CSNK1D: variants seen among roughly 807,000 people sequenced by gnomAD.
CSNK1D encodes the protein casein kinase I isoform delta.
Under a neutral mutation model 46.6 loss-of-function variants are expected in CSNK1D, and 16 were observed. That is an observed-to-expected ratio of 0.34 (90% CI 0.23 to 0.52). The LOEUF (loss-of-function observed/expected upper bound fraction) is 0.52. Ranked by LOEUF, CSNK1D falls within the 20% of genes least tolerant of loss-of-function variation. CSNK1D has a pLI of 0.95. For missense variants in CSNK1D, 398 were observed against 578.4 expected, an observed-to-expected ratio of 0.69 and a Z score of 3.20; for synonymous variants, 276 against 228.2, an observed-to-expected ratio of 1.21 and a Z score of -1.89.
chr17:82,246,587 G>A (rs575737405), intron 8 of CSNK1D: 15 of 1,025,782 alleles, frequency 1.5e-5, no homozygotes, highest in Admixed American at 1.0e-4. Context: ...CCAACAGCCC[G>A]AAAAGAGAGG....
At chr17:82,257,251 A>C (rs950965749) in intron 2 of CSNK1D, among the ~76,000 whole-genome samples, 2 of 151,706 alleles carry the variant, frequency 1.3e-5, no homozygotes, top group African/African-American at 4.8e-5. Flanking sequence ...ATACTAAACC[A>C]CTGCAGGTTT....
chr17:82,244,794 A>G lies in CSNK1D; in HGVS notation c.1235T>C (p.Val412Ala). The stretch of plus-strand genomic sequence containing the variant: ...TAAGGAGAGTTCTCATCGGTGCACG[A>G]CAGACTGAAGACCACTGGAAGCCAC... ...GRVASSGLQS[V>A]VHR Residue 412 changes from valine to alanine, a missense_variant, in exon 9 of 9, where the codon GTC (valine) becomes GCC (alanine). By Grantham distance (64) the Val-to-Ala change is moderately conservative (BLOSUM62 0). This residue lies in a region of CSNK1D where 181 missense variants were observed against 208.0 expected (regional missense o/e 0.87). Transcript: ENST00000314028. The G allele has an allele frequency of 1.2e-6, 2 of 1,614,034 alleles. No homozygotes were observed. Among genetic ancestry groups the G allele is most frequent in the South Asian group, 1.1e-5 (1 of 91,078 alleles).
Position 82,243,666 on chromosome 17 carries a change from C to T in CSNK1D, c.*1115G>A, listed in dbSNP as rs781480903. The T allele has an allele frequency of 1.5e-4, 151 of 985,472 alleles. No homozygotes were observed. Among genetic ancestry groups the T allele is most frequent in the Non-Finnish European group, 1.7e-4 (141 of 829,970 alleles). The allele number at this position is 985,472 out of a possible 1,614,324, so 61.0% of individuals were successfully genotyped here. A position where few individuals can be genotyped will look rare whatever the true frequency, so the allele number is the denominator to read the frequency against. ...CTCAGGGTGGGTCCTTCTGGCCTGC[C>T]GGCTTTTCTGAGCTAGTCTTGGCAC... On this transcript the variant is annotated 3_prime_UTR_variant, in exon 9 of 9. Coordinates refer to ENST00000314028, the MANE Select transcript of CSNK1D (RefSeq NM_001893.6).
chr17:82,255,358 G>C lies in CSNK1D; in HGVS notation c.336+71C>G, dbSNP rs2051150894. ...GAATTAATGGCCATAATAATGGCAA[G>C]AACAGCACAAGCGAGTGGCTGATTC... On this transcript the variant is annotated intron_variant, in intron 3 of 8. Coordinates refer to ENST00000314028, the MANE Select transcript of CSNK1D (RefSeq NM_001893.6). The surrounding 1 kb of genome is among the most constrained non-coding windows in gnomAD (Gnocchi z 5.9). 1 of 1,564,824 alleles carries C rather than the reference G, an allele frequency of 6.4e-7. No homozygotes were observed. The highest frequency in any genetic ancestry group is 1.7e-5 in the Admixed American group (1 of 59,886).
chr17:82,256,366 A>C (rs984471959), intron 2 of CSNK1D, among the ~76,000 whole-genome samples: 2 of 152,158 alleles, frequency 1.3e-5, no homozygotes, highest in African/African-American at 4.8e-5. Flanking sequence ...TCTGGAAATT[A>C]GGTGGGTGTG....
chr17:82,250,585 G>C lies in CSNK1D; in HGVS notation c.885+794C>G, dbSNP rs1339005992. 1.9e-5 allele frequency: 4 copies of C among 212,776 alleles called. No homozygotes were observed. The highest frequency in any genetic ancestry group is 3.9e-5 in the Non-Finnish European group (4 of 101,806). 13.2% of individuals were successfully genotyped at this position (212,776 alleles called of 1,614,324 possible). A position where few individuals can be genotyped will look rare whatever the true frequency, so the allele number is the denominator to read the frequency against. ...TCCGGGGCCTCCAAGTACTCCCCAC[G>C]CTGATGGGCACTTGGCAAGTAAGTC... On this transcript the variant is annotated intron_variant, in intron 6 of 8. Transcript: ENST00000314028. This position sits in a 1 kb window ranked among gnomAD's most constrained non-coding sequence, Gnocchi z 4.6.
intron 2 of CSNK1D, among the ~76,000 whole-genome samples, chr17:82,261,468 T>C (rs1318292133): frequency 2.0e-5 from 3 of 152,202 alleles, no homozygotes; most frequent in Non-Finnish European, 4.4e-5. Context: ...CTCTCATCTG[T>C]GAAAAGTTTC....
chr17:82,245,038 G>A (rs1365620971), intron 8 of CSNK1D: 8 of 673,516 alleles, frequency 1.2e-5, no homozygotes, highest in Non-Finnish European at 1.8e-5. Context: ...CGGGAAGGAG[G>A]AAGAGGCATG....
chr17:82,258,342 A>G (rs2051237469), intron 2 of CSNK1D, among the ~76,000 whole-genome samples: 3 of 150,882 alleles, frequency 2.0e-5, no homozygotes, highest in African/African-American at 4.9e-5. Context: ...ATGTGTATAT[A>G]TATATATTAT....
At position 82,244,097 on chromosome 17, in the gene CSNK1D, G is replaced by A; in HGVS notation, c.*684C>T. 1.0e-6 allele frequency: 1 copy of A among 990,110 alleles called. No homozygotes were observed. The highest frequency in any genetic ancestry group is 1.2e-6 in the Non-Finnish European group (1 of 832,608). The allele number at this position is 990,110 out of a possible 1,614,324, so 61.3% of individuals were successfully genotyped here. On this transcript the variant is annotated 3_prime_UTR_variant, in exon 9 of 9. Transcript: ENST00000314028. ...TGTCAATTACGGGAGGAGGGAGGGT[G>A]AGACGCCAAAATCAGGTTGAAGAGG...
At position 82,248,871 on chromosome 17, in the gene CSNK1D, C is replaced by G; in HGVS notation, c.1197+4G>C. 1 of 1,609,268 alleles carries G rather than the reference C, an allele frequency of 6.2e-7. No homozygotes were observed. The highest frequency in any genetic ancestry group is 8.5e-7 in the Non-Finnish European group (1 of 1,177,608). On this transcript the variant is annotated splice_donor_region_variant and intron_variant, in intron 8 of 8. Transcript: ENST00000314028. This position sits in a 1 kb window ranked among gnomAD's most constrained non-coding sequence, Gnocchi z 4.1. ...CAGCGCCCGCCCGGGAGCTCTGCAC[C>G]TACCTGTGAGGTGGACATGCGAGAG...
rs576756316 is a variant in CSNK1D, at chr17:82,252,300, C to T, written c.736+134G>A. On this transcript the variant is annotated intron_variant, in intron 5 of 8. Transcript: ENST00000314028. This position sits in a 1 kb window ranked among gnomAD's most constrained non-coding sequence, Gnocchi z 4.6. ...GTTACCTCCATACACAAAAGCGCCC[C>T]GCTTTCCTGCCACCACCCCTTTGGA... is the stretch of plus-strand genomic sequence containing the variant. The T allele has an allele frequency of 1.5e-5, 16 of 1,051,244 alleles. No homozygotes were observed. The highest frequency in any genetic ancestry group is 6.2e-5 in the African/African-American group (4 of 64,002). The allele number at this position is 1,051,244 out of a possible 1,614,324, so 65.1% of individuals were successfully genotyped here. A position where few individuals can be genotyped will look rare whatever the true frequency, so the allele number is the denominator to read the frequency against.
rs752058030 is a variant in CSNK1D at position 82,248,826 on chromosome 17, G to C, written c.1197+49C>G. ...AGAAACCACAGCCCGCTCTTGACTC[G>C]GACGGGGTAGCCCGAGGCCCAGCGC... On this transcript the variant is annotated intron_variant, in intron 8 of 8. Transcript: ENST00000314028. The surrounding 1 kb of genome is among the most constrained non-coding windows in gnomAD (Gnocchi z 4.1). The C allele has an allele frequency of 6.3e-7, 1 of 1,586,768 alleles. No homozygotes were observed. Among genetic ancestry groups the C allele is most frequent in the African/African-American group, 1.3e-5 (1 of 74,330 alleles).
At chr17:82,254,902 C>T (rs1384277162) in intron 3 of CSNK1D, among the ~76,000 whole-genome samples, 4 of 131,746 alleles carry the variant, frequency 3.0e-5, no homozygotes, top group South Asian at 2.4e-4. Context: ...TCAGCTGAGC[C>T]GCCGGGGCCT....
At chr17:82,271,442 G>A (rs1030714988) in intron 1 of CSNK1D, among the ~76,000 whole-genome samples, 2 of 152,168 alleles carry the variant, frequency 1.3e-5, no homozygotes, top group Non-Finnish European at 2.9e-5. Context: ...CAGATCCTGG[G>A]GTTAAAACTT....
At chr17:82,269,159 C>T (rs1474510690) in intron 1 of CSNK1D, among the ~76,000 whole-genome samples, 2 of 151,510 alleles carry the variant, frequency 1.3e-5, no homozygotes, top group Non-Finnish European at 2.9e-5. Context: ...GAGTGTGGCC[C>T]TGTCCTGGCA....
chr17:82,253,205 G>A lies in CSNK1D; in HGVS notation c.376C>T (p.His126Tyr). 6.2e-7 allele frequency: 1 copy of A among 1,614,166 alleles called. No homozygotes were observed. ...AAGTTGTCTGGCTTCACATCCCGGT[G>A]GATGAAGTTCTTTGAATGAATGTAT... The part of the protein sequence containing the change: ...IEYIHSKNFI[H>Y]RDVKPDNFLM... The change falls in exon 4 of 9, where the codon CAC becomes TAC. Residue 126 changes from histidine (H) to tyrosine (Y), a missense_variant. Coordinates refer to ENST00000314028, the MANE Select transcript of CSNK1D (RefSeq NM_001893.6).
chr17:82,244,534 C>A lies in CSNK1D; in HGVS notation c.*247G>T. 1 of 1,451,136 alleles carries A rather than the reference C, an allele frequency of 6.9e-7. No homozygotes were observed. Among genetic ancestry groups the A allele is most frequent in the Middle Eastern group, 2.4e-4 (1 of 4,118 alleles). The allele number at this position is 1,451,136 out of a possible 1,614,324, so 89.9% of individuals were successfully genotyped here. On this transcript the variant is annotated 3_prime_UTR_variant, in exon 9 of 9. Transcript: ENST00000314028. ...CTGATTCTCTGCAATTCTCTCTCTG[C>A]TTTTCTTCCCAGCCCCGTTACAACC...
At chr17:82,240,268 A>G (rs1166971119), downstream of CSNK1D, among the ~76,000 whole-genome samples, 3 of 152,288 alleles carry the variant, frequency 2.0e-5, no homozygotes, top group South Asian at 2.1e-4. Context: ...AGCTAGGCCC[A>G]TGTGTCTCGG....
Sources: allele counts gnomAD v4.1 joint callset (sites outside exome capture counted in the v4.1 genomes callset), GRCh38; gene constraint gnomAD v4.1.1; regional missense constraint gnomAD v4.1.1; non-coding constraint Gnocchi (gnomAD v3.1); transcripts MANE v1.5; gene names NCBI Gene and HGNC (gene_info 2026-07-23, HGNC 2026-07-21).